Variants in PDE10A observed in about 807,000 individuals in gnomAD.
PDE10A encodes phosphodiesterase 10A, also known as cAMP and cAMP-inhibited cGMP 3',5'-cyclic phosphodiesterase 10A.
A neutral mutation model predicts 97.7 loss-of-function variants in PDE10A; 39 were observed. The observed-to-expected ratio is 0.40, with a 90% CI of 0.31 to 0.52. The LOEUF (loss-of-function observed/expected upper bound fraction) is 0.52, where lower values mean the gene tolerates loss of function less well. Among genes scored for constraint, PDE10A ranks in the 20% least tolerant of loss-of-function variants. The pLI is 0.56. For missense variants in PDE10A, 731 were observed against 1,047.8 expected (o/e 0.70, Z 4.17); for synonymous variants, 371 against 376.8 (o/e 0.98, Z 0.18).
chr6:165,333,799 A>T (rs372684286), intron 21 of PDE10A, among the ~76,000 whole-genome samples: 2 of 152,164 alleles, frequency 1.3e-5, no homozygotes, highest in Admixed American at 1.3e-4. Flanking sequence ...CTGCGTGATC[A>T]CAACCACTGC....
chr6:165,593,305 G>A (rs1786391837), intron 1 of PDE10A, among the ~76,000 whole-genome samples: 1 of 152,140 alleles, frequency 6.6e-6, no homozygotes, highest in African/African-American at 2.4e-5. Context: ...GTCATGGGGT[G>A]GGGGTTAAGG....
At chr6:165,719,681 C>T (rs1792117927) in intron 1 of PDE10A, among the ~76,000 whole-genome samples, 1 of 152,164 alleles carries the variant, frequency 6.6e-6, no homozygotes, top group South Asian at 2.1e-4. Context: ...CAGGTGAAAG[C>T]TCATGGAGCT....
At position 165,416,282 on chromosome 6, in the gene PDE10A, C is replaced by G; in HGVS notation, c.1797-1G>C. 1 of 1,595,270 alleles carries G rather than the reference C, an allele frequency of 6.3e-7. No homozygotes were observed. The highest frequency in any genetic ancestry group is 8.6e-7 in the Non-Finnish European group (1 of 1,162,736). ...AGCAATTCCTTTCTCAATTGAAAAT[C>G]TGCATATGTAAAAGAGAAGGACATG... On this transcript the variant is annotated splice_acceptor_variant, in intron 11 of 21. Coordinates refer to ENST00000539869, the MANE Select transcript of PDE10A (RefSeq NM_001385079.1). LOFTEE classifies it high-confidence loss of function.
chr6:165,735,772 A>G (rs1792561681), intron 1 of PDE10A, among the ~76,000 whole-genome samples: 1 of 152,126 alleles, frequency 6.6e-6, no homozygotes, highest in Non-Finnish European at 1.5e-5. Context: ...TTCCAAAATC[A>G]CCCTCACAGA....
chr6:165,693,525 C>A, intron 1 of PDE10A, among the ~76,000 whole-genome samples: 1 of 45,376 alleles, frequency 2.2e-5, no homozygotes. Context: ...AGGGAGGCTC[C>A]ACCAAAAAAA....
intron 2 of PDE10A, among the ~76,000 whole-genome samples, chr6:165,521,906 A>G (rs903660858): frequency 2.6e-5 from 4 of 152,214 alleles, no homozygotes; most frequent in East Asian, 3.9e-4. Context: ...GACTACTCAT[A>G]TAAGTGGGAT....
chr6:165,561,397 C>T (rs538281729), intron 1 of PDE10A, among the ~76,000 whole-genome samples: 1 of 152,236 alleles, frequency 6.6e-6, no homozygotes, highest in South Asian at 2.1e-4. Flanking sequence ...TCATAAATTA[C>T]CCAGTCTCAG....
At chr6:165,784,112 G>A (rs2128462263) in intron 1 of PDE10A, among the ~76,000 whole-genome samples, 1 of 152,030 alleles carries the variant, frequency 6.6e-6, no homozygotes, top group Non-Finnish European at 1.5e-5. Flanking sequence ...CAGCTACTCG[G>A]GAGGCTGAGG....
intron 1 of PDE10A, among the ~76,000 whole-genome samples, chr6:165,702,596 G>T (rs556722628): frequency 6.6e-6 from 1 of 152,130 alleles, no homozygotes; most frequent in South Asian, 2.1e-4. Context: ...CAACTAATTC[G>T]CCAGGAACAG....
intron 5 of PDE10A, among the ~76,000 whole-genome samples, chr6:165,444,563 T>C (rs1790702146): frequency 6.6e-6 from 1 of 152,168 alleles, no homozygotes; most frequent in Non-Finnish European, 1.5e-5. Context: ...TTTAACCTGA[T>C]CTAAGTTTTT....
At chr6:165,470,918 C>G (rs1361099621) in intron 3 of PDE10A, among the ~76,000 whole-genome samples, 2 of 152,124 alleles carry the variant, frequency 1.3e-5, no homozygotes, top group African/African-American at 4.8e-5. Flanking sequence ...AAAACTAAAA[C>G]AAAACCGGAG....
intron 1 of PDE10A, among the ~76,000 whole-genome samples, chr6:165,810,068 C>T (rs922608021): frequency 7.2e-5 from 11 of 152,154 alleles, no homozygotes; most frequent in Admixed American, 1.3e-4. Context: ...TCACCACCAC[C>T]GCCCCAAAGA....
intron 2 of PDE10A, among the ~76,000 whole-genome samples, chr6:165,485,109 C>T (rs1205940969): frequency 1.3e-5 from 2 of 152,114 alleles, no homozygotes; most frequent in Admixed American, 6.5e-5. Flanking sequence ...ATGTGGTGAC[C>T]AGCTATCCAA....
intron 1 of PDE10A, among the ~76,000 whole-genome samples, chr6:165,623,277 CA>C (rs1788231871): frequency 6.6e-6 from 1 of 152,154 alleles, no homozygotes; most frequent in South Asian, 2.1e-4. Context: ...AGGCACCGGC[CA>C]CCATGCCCGG....
intron 1 of PDE10A, among the ~76,000 whole-genome samples, chr6:165,687,162 C>T (rs964154187): frequency 3.4e-4 from 51 of 152,184 alleles, no homozygotes; most frequent in African/African-American, 9.7e-4. Flanking sequence ...ACCCCCACTG[C>T]GCTCTGGCAG....
At chr6:165,903,350 A>C (rs2461726) in intron 1 of PDE10A, among the ~76,000 whole-genome samples, 107,929 of 152,068 alleles carry the variant, frequency 0.71, 38,843 homozygotes, top group East Asian at 0.94. Context: ...TAGTTTAGTA[A>C]TAGTGAAGAT....
At chr6:165,647,815 G>A (rs1312962819) in intron 1 of PDE10A, among the ~76,000 whole-genome samples, 1 of 152,122 alleles carries the variant, frequency 6.6e-6, no homozygotes, top group South Asian at 2.1e-4. Context: ...GGAAACAATG[G>A]CTACGTGTCT....
chr6:165,424,766 T>C (rs1463429962), intron 10 of PDE10A, among the ~76,000 whole-genome samples: 6 of 152,192 alleles, frequency 3.9e-5, no homozygotes, highest in African/African-American at 9.6e-5. Flanking sequence ...ATAGCCTTTA[T>C]ACCAGGAATG....
chr6:165,501,522 G>C (rs1430315784), intron 2 of PDE10A, among the ~76,000 whole-genome samples: 3 of 151,612 alleles, frequency 2.0e-5, no homozygotes, highest in African/African-American at 7.3e-5. Context: ...GCAGTGAGCA[G>C]AGATCGCGCC....
Sources: gnomAD v4.1 joint callset for allele counts (sites outside exome capture counted in the v4.1 genomes callset) on GRCh38, gnomAD v4.1.1 for gene constraint, MANE v1.5 for transcripts, NCBI Gene and HGNC (gene_info 2026-07-23, HGNC 2026-07-21) for gene names.